The following CTPS2 variants were observed in gnomAD, a reference collection of about 807,000 sequenced individuals.
CTPS2 encodes the protein CTP synthase 2, also known as CTP synthase II.
CTPS2 carries 19 observed loss-of-function variants against 46.8 expected under a neutral mutation model. The observed-to-expected ratio is 0.41, with a 90% CI of 0.28 to 0.60. CTPS2 has a LOEUF of 0.60. CTPS2 is among the 20% of genes least tolerant of loss of function. The pLI is 0.35. For synonymous variants in CTPS2, 151 were observed against 165.2 expected (o/e 0.91, Z 0.66); for missense variants, 286 against 447.6 (o/e 0.64, Z 3.26).
chrX:16,655,858 C>T (rs1425084724), intron 13 of CTPS2, among the ~76,000 whole-genome samples: 1 of 109,672 alleles, frequency 9.1e-6, no homozygotes, highest in African/African-American at 3.3e-5. Flanking sequence ...TGCAGTGGCA[C>T]GATCTTGGCT....
At chrX:16,696,703 C>T (rs902346823) in intron 4 of CTPS2, among the ~76,000 whole-genome samples, 1 of 110,694 alleles carries the variant, frequency 9.0e-6, no homozygotes, top group Non-Finnish European at 1.9e-5. Context: ...GGCAACATAG[C>T]GAGACCCTAT....
At chrX:16,688,341 A>G (rs773294484) in intron 8 of CTPS2, among the ~76,000 whole-genome samples, 1 of 110,475 alleles carries the variant, frequency 9.1e-6, no homozygotes, top group Non-Finnish European at 1.9e-5. Flanking sequence ...CAGAGGTTGT[A>G]GTGAGCCAAG....
At chrX:16,664,716 G>T (rs1921024474) in intron 13 of CTPS2, among the ~76,000 whole-genome samples, 1 of 111,756 alleles carries the variant, frequency 8.9e-6, no homozygotes, top group Non-Finnish European at 1.9e-5. Context: ...TAAATCAGTG[G>T]TTCTCAACCA....
At chrX:16,660,238 C>T (rs900817030) in intron 13 of CTPS2, among the ~76,000 whole-genome samples, 8 of 106,975 alleles carry the variant, frequency 7.5e-5, no homozygotes, top group African/African-American at 2.7e-4. Flanking sequence ...TTTTTTTAGA[C>T]AGGGTCTCAC....
intron 14 of CTPS2, among the ~76,000 whole-genome samples, chrX:16,621,307 G>A (rs1484367906): frequency 1.1e-5 from 1 of 88,594 alleles, no homozygotes; most frequent in Non-Finnish European, 2.2e-5. Context: ...TTGTCGGGGG[G>A]TAGGGGGTTG....
intron 14 of CTPS2, among the ~76,000 whole-genome samples, chrX:16,631,674 C>T (rs1285272842): frequency 8.9e-6 from 1 of 112,119 alleles, no homozygotes; most frequent in African/African-American, 3.2e-5. Flanking sequence ...ACATTCAACA[C>T]AAAGTCTTGC....
chrX:16,632,949 A>T lies in CTPS2; in HGVS notation c.1393+6198T>A, dbSNP rs1446571544. ...CCCCTTAGTCCTATTCTCTGTCATA[A>T]AATAGGATATGTATGCAAGCCAGTA... On this transcript the variant is annotated intron_variant, in intron 14 of 18. Coordinates refer to ENST00000359276, the MANE Select transcript of CTPS2 (RefSeq NM_175859.3). Among the ~76,000 whole-genome samples, 3 of 111,551 alleles carry T rather than the reference A, an allele frequency of 2.7e-5. No individual in the cohort carries two copies. The East Asian group carries it at 8.4e-4, about 31-fold the overall frequency.
intron 17 of CTPS2, 116 bp downstream of exon 17, chrX:16,609,425 A>C (rs919114829): frequency 2.6e-6 from 2 of 764,274 alleles, no homozygotes; most frequent in African/African-American, 4.3e-5. Flanking sequence ...GTTTAAGAGA[A>C]AAAAACTGAT....
chrX:16,689,731 A>G (rs778152867), intron 7 of CTPS2, 130 bp from the exon 8 acceptor site: 2 of 513,882 alleles, frequency 3.9e-6, no homozygotes, highest in African/African-American at 2.4e-5. Flanking sequence ...CGCACACACA[A>G]AAACCCAGCA....
intron 2 of CTPS2, among the ~76,000 whole-genome samples, chrX:16,700,283 A>AT (rs1317762666): frequency 1.8e-5 from 2 of 108,748 alleles, no homozygotes; most frequent in Non-Finnish European, 3.8e-5. Context: ...CACCCAGCTA[A>AT]TTTTTTTGTA....
At chrX:16,630,380 G>A (rs935719928) in intron 14 of CTPS2, among the ~76,000 whole-genome samples, 7 of 106,780 alleles carry the variant, frequency 6.6e-5, no homozygotes, top group African/African-American at 1.4e-4. Context: ...TCAGCCACCC[G>A]AGTTGCTGGG....
intron 13 of CTPS2, among the ~76,000 whole-genome samples, chrX:16,639,731 GAGAA>G (rs57226798): frequency 0.019 from 1,270 of 66,754 alleles, 19 homozygotes; most frequent in African/African-American, 0.059. Flanking sequence ...TCCAAAAAAA[GAGAA>G]AGAAAGAAAG....
At chrX:16,678,245 A>G in intron 10 of CTPS2, 117 bp downstream of exon 10, 1 of 537,098 alleles carries the variant, frequency 1.9e-6, no homozygotes, top group Admixed American at 2.7e-5. Flanking sequence ...AAAGACCACA[A>G]GTACTCCAAA....
intron 17 of CTPS2, among the ~76,000 whole-genome samples, chrX:16,598,613 G>A (rs1929440856): frequency 2.7e-5 from 3 of 111,790 alleles, no homozygotes; most frequent in South Asian, 7.6e-4. Flanking sequence ...ATTCACAGCC[G>A]AATTCTACCA....
At position 16,702,815 on chromosome X, in the gene CTPS2, A is replaced by C. The variant is rs1261504476; in HGVS notation, c.88T>G (p.Cys30Gly). The change falls in exon 2 of 19, where the codon TGT becomes GGT. Residue 30 changes from cysteine (C) to glycine (G), a missense_variant. Physicochemically the swap from Cys to Gly is radical, Grantham distance 159. Transcript: ENST00000359276. Reference sequence around the variant, plus strand: ...TTTATGGCAGTAACTCGGAGTCCACATGATTTTAGAATCGTTCCAATGCTG... The same window carrying C: ...TTTATGGCAGTAACTCGGAGTCCACCTGATTTTAGAATCGTTCCAATGCTG... ...ASSIGTILKS[C>G]GLRVTAIKID... 8.3e-7 allele frequency: 1 copy of C among 1,210,467 alleles called. No individual in the cohort carries two copies. The highest frequency in any genetic ancestry group is 3.0e-5 in the East Asian group (1 of 33,821).
intron 17 of CTPS2, among the ~76,000 whole-genome samples, chrX:16,607,472 G>A (rs1344777995): frequency 8.9e-6 from 1 of 112,738 alleles, no homozygotes; most frequent in African/African-American, 3.2e-5. Flanking sequence ...GCCTGCTCCC[G>A]CAGCAGCCCA....
At chrX:16,711,402 C>T (rs936390038) in intron 1 of CTPS2, 1 of 111,345 alleles carries the variant, frequency 9.0e-6, no homozygotes, top group African/African-American at 3.3e-5. Flanking sequence ...CCAGTGGCTC[C>T]CACATTAGAC....
At chrX:16,678,053 A>T (rs1331382139) in intron 10 of CTPS2, among the ~76,000 whole-genome samples, 1 of 111,908 alleles carries the variant, frequency 8.9e-6, no homozygotes, top group Non-Finnish European at 1.9e-5. Context: ...CATATGTAAG[A>T]TTCATCTCTG....
intron 14 of CTPS2, among the ~76,000 whole-genome samples, chrX:16,622,476 G>A (rs988598120): frequency 1.8e-5 from 2 of 110,442 alleles, no homozygotes; most frequent in South Asian, 3.9e-4. Context: ...TTGCCTCAGA[G>A]GATCCTAAGT....
Sources: allele counts gnomAD v4.1 joint callset (sites outside exome capture counted in the v4.1 genomes callset), GRCh38; gene constraint gnomAD v4.1.1; transcripts MANE v1.5; gene names NCBI Gene and HGNC (gene_info 2026-07-23, HGNC 2026-07-21).